Variants in LEMD1 observed in about 807,000 individuals in gnomAD.
The protein encoded by LEMD1 is LEM domain containing 1.
A neutral mutation model predicts 17.4 loss-of-function variants in LEMD1; 18 were observed. That is an observed-to-expected ratio of 1.04 (90% CI 0.72 to 1.54). The LOEUF (loss-of-function observed/expected upper bound fraction) is 1.54. Among genes scored for constraint, LEMD1 ranks in the 40% most tolerant of loss-of-function variants. The probability of loss-of-function intolerance (pLI) is 0.00; values close to 1 mark genes in which losing one functional copy is unlikely to be tolerated. For synonymous variants in LEMD1, 88 were observed against 77.8 expected (o/e 1.13, Z -0.69); for missense variants, 195 against 210.4 (o/e 0.93, Z 0.45).
chr1:205,398,744 G>C (rs1574960603), intron 4 of LEMD1, among the ~76,000 whole-genome samples: 1 of 152,246 alleles, frequency 6.6e-6, no homozygotes, highest in African/African-American at 2.4e-5. Context: ...GGACCAGCAT[G>C]GACACATTAG....
chr1:205,399,374 GA>G (rs1282680153), intron 4 of LEMD1, among the ~76,000 whole-genome samples: 3 of 152,108 alleles, frequency 2.0e-5, no homozygotes, highest in Non-Finnish European at 2.9e-5. Context: ...GAGATAAATA[GA>G]AACTCACAGT....
In LEMD1 at chr1:205,393,816, T is replaced by C. The variant is rs1664455556; in HGVS notation, c.271-9452A>G. On this transcript the variant is annotated intron_variant, in intron 4 of 5. Coordinates refer to ENST00000367153, the MANE Select transcript of LEMD1 (RefSeq NM_001199050.2). Reference sequence around the variant, plus strand: ...CTTTCTCCGAAAGTCAGATATAGAATTATTATATGACCCAGCAATTCCACT... The same window carrying C: ...CTTTCTCCGAAAGTCAGATATAGAACTATTATATGACCCAGCAATTCCACT... Among the ~76,000 whole-genome samples, 4 of 150,846 alleles carry C rather than the reference T, an allele frequency of 2.7e-5. No homozygotes were observed. In the South Asian group the frequency reaches 6.3e-4, roughly 24 times the overall value.
chr1:205,409,750 C>A (rs928049911), intron 4 of LEMD1, among the ~76,000 whole-genome samples: 2 of 150,644 alleles, frequency 1.3e-5, no homozygotes, highest in Admixed American at 1.3e-4. Flanking sequence ...CACAAGCATG[C>A]GTGCCACTAT....
upstream of LEMD1, among the ~76,000 whole-genome samples, chr1:205,426,869 G>C (rs1666064016): frequency 6.6e-6 from 1 of 152,086 alleles, no homozygotes; most frequent in African/African-American, 2.4e-5. Flanking sequence ...AGCAAGGCAG[G>C]GCAGGATGGG....
intron 4 of LEMD1, among the ~76,000 whole-genome samples, chr1:205,396,081 C>T (rs913124946): frequency 6.6e-6 from 1 of 152,130 alleles, no homozygotes; most frequent in Non-Finnish European, 1.5e-5. Flanking sequence ...GATCAAAGCT[C>T]ATTGTAGCCT....
rs1558743702 is a variant in LEMD1 at position 205,441,259 on chromosome 1, C to A, written c.-39+8609G>T. Among the ~76,000 whole-genome samples the A allele has an allele frequency of 1.3e-5, 2 of 152,126 alleles. No homozygotes were observed. The highest frequency in any genetic ancestry group is 4.8e-5 in the African/African-American group (2 of 41,432). On this transcript the variant is annotated intron_variant, in intron 1 of 3. Transcript: ENST00000367154. This position sits in a 1 kb window ranked among gnomAD's most constrained non-coding sequence, Gnocchi z 4.3. ...ACAGCTCTTTGAAACCTCAGTGTTT[C>A]CTGATCTGTGTGGAGCTGATGTCAT...
chr1:205,419,208 GCAGTA>G lies in LEMD1; in HGVS notation c.205+17_205+21del. On this transcript the variant is annotated intron_variant, in intron 3 of 5. Coordinates refer to ENST00000367153, the MANE Select transcript of LEMD1 (RefSeq NM_001199050.2). ...TTAATAAGTGCAAAGTTGCCATCTA[GCAGTA>G]CAGCTTATGGCGGTACCTTCGCTGT... is the stretch of plus-strand genomic sequence containing the variant. 1 of 1,611,592 alleles carries G rather than the reference GCAGTA, an allele frequency of 6.2e-7. No individual in the cohort carries two copies.
chr1:205,413,806 C>T (rs113180784), intron 4 of LEMD1, among the ~76,000 whole-genome samples: 2 of 151,920 alleles, frequency 1.3e-5, no homozygotes, highest in African/African-American at 4.8e-5. Context: ...ACACATGCCA[C>T]CATGCCCAGA....
At chr1:205,433,574 T>C (rs1000718117) in intron 1 of LEMD1, among the ~76,000 whole-genome samples, 3 of 152,194 alleles carry the variant, frequency 2.0e-5, no homozygotes, top group African/African-American at 7.2e-5. Context: ...CGGGACTCAA[T>C]ATTGATAGAA....
intron 1 of LEMD1, among the ~76,000 whole-genome samples, chr1:205,446,833 T>G (rs969194602): frequency 6.6e-6 from 1 of 152,094 alleles, no homozygotes; most frequent in African/African-American, 2.4e-5. Flanking sequence ...CCTTTCACCA[T>G]CTAAGCTGGG....
At chr1:205,424,856 T>C (rs1666034831), upstream of LEMD1, among the ~76,000 whole-genome samples, 1 of 152,194 alleles carries the variant, frequency 6.6e-6, no homozygotes, top group Non-Finnish European at 1.5e-5. Context: ...CATGGTATAA[T>C]TACACCTAGT....
Position 205,406,412 on chromosome 1 carries a change from G to A in LEMD1, c.270+9820C>T, listed in dbSNP as rs185231051. ...TACCTAAGCGAGCCTGGGCAATGGCGGGCGCCCCTCCCCCAGCCTGGCTGC... is the reference window on the plus strand; with the variant it reads ...TACCTAAGCGAGCCTGGGCAATGGCAGGCGCCCCTCCCCCAGCCTGGCTGC... On this transcript the variant is annotated intron_variant, in intron 4 of 5. Coordinates refer to ENST00000367153, the MANE Select transcript of LEMD1 (RefSeq NM_001199050.2). 1.2e-4 allele frequency among the ~76,000 whole-genome samples: 19 copies of A among 152,346 alleles called. No individual in the cohort carries two copies. In the East Asian group the frequency reaches 2.5e-3, roughly 20 times the overall value.
At position 205,406,957 on chromosome 1, in the gene LEMD1, G is replaced by A. The variant is rs141437781; in HGVS notation, c.270+9275C>T. The stretch of plus-strand genomic sequence containing the variant: ...AAGAGTTATCTTTTTGTATGCTAAT[G>A]AGTTGGCTGGTGCCCAAAGACCCTT... On this transcript the variant is annotated intron_variant, in intron 4 of 5. Transcript: ENST00000367153. 7.4e-3 allele frequency among the ~76,000 whole-genome samples: 1,124 copies of A among 152,288 alleles called. 15 individuals are homozygous for A. Among genetic ancestry groups the A allele is most frequent in the Middle Eastern group, 0.01 (3 of 294 alleles).
At chr1:205,407,410 A>G (rs1393832672) in intron 4 of LEMD1, among the ~76,000 whole-genome samples, 1 of 151,994 alleles carries the variant, frequency 6.6e-6, no homozygotes, top group Admixed American at 6.6e-5. Flanking sequence ...CTGAAGGTTG[A>G]ATTAATCACT....
intron 4 of LEMD1, among the ~76,000 whole-genome samples, 194 bp downstream of exon 4, chr1:205,416,038 G>A (rs1665679115): frequency 6.6e-6 from 1 of 152,062 alleles, no homozygotes; most frequent in Non-Finnish European, 1.5e-5. Context: ...CTGTCATTCT[G>A]GGTCCTCTGC....
chr1:205,434,671 G>A (rs1315646663), intron 1 of LEMD1, among the ~76,000 whole-genome samples: 5 of 152,090 alleles, frequency 3.3e-5, no homozygotes, highest in South Asian at 2.1e-4. Context: ...GGAGTTCCAG[G>A]AGACCTGGGG....
At chr1:205,394,856 G>A (rs745853335) in intron 4 of LEMD1, among the ~76,000 whole-genome samples, 4 of 151,744 alleles carry the variant, frequency 2.6e-5, no homozygotes, top group African/African-American at 7.3e-5. Context: ...GTGTGGTGAC[G>A]TGCACCTGTA....
rs554548691 is a variant in LEMD1 at position 205,381,535 on chromosome 1, C to T, written c.*123G>A. 22 of 910,318 alleles carry T rather than the reference C, an allele frequency of 2.4e-5. 1 individual carries two copies. Among genetic ancestry groups the T allele is most frequent in the Middle Eastern group, 2.4e-4 (1 of 4,092 alleles). 56.4% of individuals were successfully genotyped at this position (910,318 alleles called of 1,614,324 possible). ...CAGACACCGATCTGTGAGAGCAGCA[C>T]AGTGCAAGGGAAGGCTCCCTGCAAG... On this transcript the variant is annotated 3_prime_UTR_variant, in exon 6 of 6. Coordinates refer to ENST00000367153, the MANE Select transcript of LEMD1 (RefSeq NM_001199050.2).
At chr1:205,394,536 C>G (rs1488367972) in intron 4 of LEMD1, among the ~76,000 whole-genome samples, 1 of 152,064 alleles carries the variant, frequency 6.6e-6, no homozygotes, top group Non-Finnish European at 1.5e-5. Flanking sequence ...AGGTGCCCAC[C>G]ACCAAACCCA....
Sources: gnomAD v4.1 joint callset for allele counts (sites outside exome capture counted in the v4.1 genomes callset) on GRCh38, gnomAD v4.1.1 for gene constraint, Gnocchi (gnomAD v3.1) non-coding constraint, MANE v1.5 for transcripts, NCBI Gene and HGNC (gene_info 2026-07-23, HGNC 2026-07-21) for gene names.